Variants in TNR observed in about 807,000 individuals in gnomAD.
The protein encoded by TNR is tenascin R.
In TNR, 45 loss-of-function variants were observed where a neutral mutation model predicts 150.4. The observed-to-expected ratio is 0.30, with a 90% CI of 0.24 to 0.38. The LOEUF is 0.38. TNR is among the 10% of genes least tolerant of loss of function. TNR has a pLI of 1.00. For synonymous variants in TNR, 687 were observed against 678.4 expected, an observed-to-expected ratio of 1.01 and a Z score of -0.20; for missense variants, 1,544 against 1,759.1, an observed-to-expected ratio of 0.88 and a Z score of 2.19.
At chr1:175,647,523 G>A (rs1664844291) in intron 1 of TNR, among the ~76,000 whole-genome samples, 1 of 151,862 alleles carries the variant, frequency 6.6e-6, no homozygotes, top group Admixed American at 6.6e-5. Flanking sequence ...GGAAGCTGGA[G>A]GAAATGGTTC....
intron 19 of TNR, among the ~76,000 whole-genome samples, chr1:175,336,279 G>T (rs1408408821): frequency 6.6e-6 from 1 of 152,234 alleles, no homozygotes; most frequent in East Asian, 1.9e-4. Flanking sequence ...TTTCTGAGCT[G>T]TTTAAGTGCT....
intron 1 of TNR, among the ~76,000 whole-genome samples, chr1:175,654,568 T>C (rs541503498): frequency 3.4e-4 from 51 of 152,206 alleles, no homozygotes; most frequent in Non-Finnish European, 6.6e-4. Flanking sequence ...AAAGCTGGAC[T>C]ATTTCACTGC....
intron 1 of TNR, among the ~76,000 whole-genome samples, chr1:175,642,163 A>G (rs1445134839): frequency 6.6e-6 from 1 of 152,152 alleles, no homozygotes; most frequent in Non-Finnish European, 1.5e-5. Flanking sequence ...TGTGAACTGA[A>G]TCTTGAAGAA....
chr1:175,622,386 C>T (rs1664005107), intron 1 of TNR, among the ~76,000 whole-genome samples: 1 of 152,222 alleles, frequency 6.6e-6, no homozygotes, highest in South Asian at 2.1e-4. Flanking sequence ...AGCAGGTGAC[C>T]TGGTCCCTCC....
At chr1:175,537,106 C>G (rs746244188) in intron 1 of TNR, among the ~76,000 whole-genome samples, 2 of 152,176 alleles carry the variant, frequency 1.3e-5, no homozygotes, top group African/African-American at 2.4e-5. Context: ...GGTGCACGAT[C>G]GTTAAGTGAT....
At chr1:175,652,481 A>G (rs1326100541) in intron 1 of TNR, among the ~76,000 whole-genome samples, 1 of 152,170 alleles carries the variant, frequency 6.6e-6, no homozygotes, top group Non-Finnish European at 1.5e-5. Context: ...GGAACTGATA[A>G]TAGTTTGGAT....
chr1:175,360,013 A>G (rs1169311539), intron 14 of TNR, among the ~76,000 whole-genome samples: 2 of 152,234 alleles, frequency 1.3e-5, no homozygotes, highest in South Asian at 2.1e-4. Context: ...TGTGCCAGAT[A>G]CTAAAGAGGA....
rs532167816 is a variant in TNR, at chr1:175,618,092, T to A, written c.-164-89723A>T. On this transcript the variant is annotated intron_variant, in intron 1 of 22. Transcript: ENST00000367674. ...CAAGCTCAACCAACATTCCTTATGA[T>A]AACTACAGTATTGGGGCAGGCTCCC... 7.2e-5 allele frequency among the ~76,000 whole-genome samples: 11 copies of A among 152,382 alleles called. No homozygotes were observed. The South Asian group carries it at 2.3e-3, about 32-fold the overall frequency.
chr1:175,451,226 A>AT (rs935443445), intron 2 of TNR, among the ~76,000 whole-genome samples: 4 of 145,258 alleles, frequency 2.8e-5, no homozygotes, highest in South Asian at 2.2e-4. Flanking sequence ...TAATGTTTTT[A>AT]TTTTTTTATT....
chr1:175,501,078 GT>G (rs1658715021), intron 2 of TNR, among the ~76,000 whole-genome samples: 1 of 152,148 alleles, frequency 6.6e-6, no homozygotes, highest in South Asian at 2.1e-4. Flanking sequence ...ATTATGTTAT[GT>G]TGTAGGGCAA....
At chr1:175,328,755 G>A (rs1004287647) in intron 21 of TNR, among the ~76,000 whole-genome samples, 1 of 152,124 alleles carries the variant, frequency 6.6e-6, no homozygotes, top group Non-Finnish European at 1.5e-5. Context: ...CTGGAACAGA[G>A]GGAGCAAGGG....
chr1:175,364,148 T>C (rs553711293), intron 12 of TNR, among the ~76,000 whole-genome samples: 2 of 151,106 alleles, frequency 1.3e-5, no homozygotes, highest in East Asian at 3.8e-4. Context: ...GGGAGAAACA[T>C]AGGCATTTTC....
chr1:175,654,866 C>G (rs941778366), intron 1 of TNR, among the ~76,000 whole-genome samples: 2 of 151,846 alleles, frequency 1.3e-5, no homozygotes, highest in African/African-American at 2.4e-5. Context: ...CTACAGGCAC[C>G]CGCCACCACA....
At chr1:175,496,818 A>G (rs1163540403) in intron 2 of TNR, among the ~76,000 whole-genome samples, 2 of 152,220 alleles carry the variant, frequency 1.3e-5, no homozygotes, top group African/African-American at 4.8e-5. Flanking sequence ...CACTGTAAAC[A>G]TTTTACAAAC....
intron 8 of TNR, among the ~76,000 whole-genome samples, chr1:175,385,229 T>C (rs1415602619): frequency 6.6e-6 from 1 of 152,188 alleles, no homozygotes; most frequent in Non-Finnish European, 1.5e-5. Context: ...ATTGACCCAA[T>C]TGAGGGTGCC....
At chr1:175,729,137 T>A (rs1294461913) in intron 1 of TNR, among the ~76,000 whole-genome samples, 2 of 152,180 alleles carry the variant, frequency 1.3e-5, no homozygotes, top group Non-Finnish European at 2.9e-5. Flanking sequence ...CCTTAGCAGG[T>A]TGTTCCTTGA....
In TNR at chr1:175,536,720, G is replaced by A. The variant is rs1370463277; in HGVS notation, c.-164-8351C>T. Among the ~76,000 whole-genome samples the A allele has an allele frequency of 2.6e-5, 4 of 152,178 alleles. No homozygotes were observed. In the East Asian group the frequency reaches 7.7e-4, roughly 29 times the overall value. On this transcript the variant is annotated intron_variant, in intron 1 of 22. Transcript: ENST00000367674. The stretch of plus-strand genomic sequence containing the variant: ...TCAGCTAGAATACAAATAACTCTAG[G>A]GCAGCAGAGTCTGGGCTGAGGTTTT...
chr1:175,343,170 C>A lies in TNR; in HGVS notation c.3383-5491G>T, dbSNP rs7553027. On this transcript the variant is annotated intron_variant, in intron 18 of 22. Coordinates refer to ENST00000367674, the MANE Select transcript of TNR (RefSeq NM_003285.3). The stretch of plus-strand genomic sequence containing the variant: ...AAACCCTTCAATGGCTTCTTTATTG[C>A]AATTAGAATAAAATCCAGAATCCCT... Among the ~76,000 whole-genome samples the A allele has an allele frequency of 9.8e-3, 1,488 of 152,262 alleles. 18 individuals carry two copies. Among genetic ancestry groups the A allele is most frequent in the African/African-American group, 0.033 (1,375 of 41,548 alleles).
chr1:175,579,072 A>G (rs1366999867), intron 1 of TNR, among the ~76,000 whole-genome samples: 2 of 152,130 alleles, frequency 1.3e-5, no homozygotes, highest in East Asian at 3.9e-4. Flanking sequence ...ATTTCCCATC[A>G]TAAGTCCCAT....
Sources: gnomAD v4.1 joint callset for allele counts (sites outside exome capture counted in the v4.1 genomes callset) on GRCh38, gnomAD v4.1.1 for gene constraint, MANE v1.5 for transcripts, NCBI Gene and HGNC (gene_info 2026-07-23, HGNC 2026-07-21) for gene names.